TMEM182: variants seen among roughly 807,000 people sequenced by gnomAD.
TMEM182 encodes the protein transmembrane protein 182.
TMEM182 carries 20 observed loss-of-function variants against 26.8 expected under a neutral mutation model. That is an observed-to-expected ratio of 0.75 (90% confidence interval 0.53 to 1.09). The LOEUF is 1.09. TMEM182 is among the 50% of genes least tolerant of loss of function. The pLI is 0.00. For missense variants in TMEM182, 277 were observed against 275.5 expected, an observed-to-expected ratio of 1.01 and a Z score of -0.04; for synonymous variants, 109 against 102.2, an observed-to-expected ratio of 1.07 and a Z score of -0.40.
intron 3 of TMEM182, among the ~76,000 whole-genome samples, chr2:102,840,492 A>G (rs1352700890): frequency 2.6e-5 from 4 of 152,198 alleles, no homozygotes; most frequent in Admixed American, 2.6e-4. Flanking sequence ...GCAGGAACCA[A>G]TGTAAACACC....
upstream of TMEM182, among the ~76,000 whole-genome samples, chr2:102,757,238 C>CT (rs1411771954): frequency 6.6e-6 from 1 of 152,222 alleles, no homozygotes; most frequent in Non-Finnish European, 1.5e-5. Context: ...TACTCAGCCC[C>CT]TTTGCCTCCT....
In TMEM182 at chr2:102,824,532, A is replaced by G. The variant is rs573059878; in HGVS notation, c.326-18880A>G. The stretch of plus-strand genomic sequence containing the variant: ...CTTCCTTCTGCTCTGGCCATGTAAG[A>G]TGTACCTGCTGGCCAGGCGTGGTGG... On this transcript the variant is annotated intron_variant, in intron 3 of 3. Coordinates refer to the TMEM182 transcript ENST00000486293. Among the ~76,000 whole-genome samples, 34 of 152,204 alleles carry G rather than the reference A, an allele frequency of 2.2e-4. 1 individual carries two copies. Among genetic ancestry groups the G allele is most frequent in the South Asian group, 1.2e-3 (6 of 4,814 alleles).
At chr2:102,793,033 G>T (rs1681715123) in intron 3 of TMEM182, among the ~76,000 whole-genome samples, 1 of 152,080 alleles carries the variant, frequency 6.6e-6, no homozygotes, top group African/African-American at 2.4e-5. Context: ...TCTGCCGTCT[G>T]TGTGACCTGG....
intron 3 of TMEM182, among the ~76,000 whole-genome samples, chr2:102,774,574 A>G (rs907000606): frequency 1.3e-5 from 2 of 151,838 alleles, no homozygotes; most frequent in African/African-American, 4.8e-5. Flanking sequence ...TTTTTCTCCC[A>G]CATTTTCTTC....
intron 3 of TMEM182, among the ~76,000 whole-genome samples, chr2:102,793,971 G>A (rs1039930040): frequency 6.6e-6 from 1 of 152,156 alleles, no homozygotes; most frequent in Non-Finnish European, 1.5e-5. Flanking sequence ...TTGGGTGAAG[G>A]TGGCAGGAGG....
chr2:102,786,995 A>G (rs77448262), intron 3 of TMEM182, among the ~76,000 whole-genome samples: 108 of 152,360 alleles, frequency 7.1e-4, no homozygotes, highest in African/African-American at 2.5e-3. Context: ...ATTTTAGGGA[A>G]GGAAACTGAG....
chr2:102,748,383 A>G (rs2104635982), intron 1 of TMEM182, among the ~76,000 whole-genome samples: 1 of 152,294 alleles, frequency 6.6e-6, no homozygotes, highest in Non-Finnish European at 1.5e-5. Flanking sequence ...GCTCTGTCCT[A>G]TGTATAATTC....
intron 3 of TMEM182, among the ~76,000 whole-genome samples, chr2:102,793,416 G>A (rs946267008): frequency 2.6e-5 from 4 of 152,126 alleles, no homozygotes; most frequent in African/African-American, 9.7e-5. Flanking sequence ...GCCCAAACAT[G>A]ACTACTGCAC....
Position 102,815,678 on chromosome 2 carries a change from T to C in TMEM182, c.*710T>C, listed in dbSNP as rs1453282389. The C allele has an allele frequency of 2.0e-6, 2 of 983,968 alleles. No homozygotes were observed. The highest frequency in any genetic ancestry group is 1.7e-5 in the African/African-American group (1 of 57,220). 61.0% of individuals were successfully genotyped at this position (983,968 alleles called of 1,614,324 possible). ...CATACCAAATTATGTATAACGTAGA[T>C]TGAATTTTTATGAACTTAAAGTGAG... On this transcript the variant is annotated 3_prime_UTR_variant, in exon 5 of 5. Transcript: ENST00000412401.
downstream of TMEM182, among the ~76,000 whole-genome samples, chr2:102,822,224 A>G (rs1682934997): frequency 6.6e-6 from 1 of 152,172 alleles, no homozygotes; most frequent in African/African-American, 2.4e-5. Flanking sequence ...ATGTAAAGCC[A>G]TGGCAAAGAT....
chr2:102,777,053 T>C (rs1680947662), intron 3 of TMEM182, among the ~76,000 whole-genome samples: 1 of 145,186 alleles, frequency 6.9e-6, no homozygotes, highest in Admixed American at 7.0e-5. Context: ...CAGTCCTTTA[T>C]TGGATACATG....
At chr2:102,787,368 A>G (rs72829913) in intron 3 of TMEM182, among the ~76,000 whole-genome samples, 29,124 of 152,224 alleles carry the variant, frequency 0.19, 3,658 homozygotes, top group Middle Eastern at 0.28. Context: ...TCTTGCTGGC[A>G]GAAAGAGAAT....
At chr2:102,746,636 C>T (rs531794596) in intron 1 of TMEM182, among the ~76,000 whole-genome samples, 1 of 152,228 alleles carries the variant, frequency 6.6e-6, no homozygotes, top group Non-Finnish European at 1.5e-5. Context: ...CTCTCTCACC[C>T]AGGCTGGAGT....
chr2:102,767,064 G>A (rs562600132), intron 3 of TMEM182, among the ~76,000 whole-genome samples: 2 of 152,084 alleles, frequency 1.3e-5, no homozygotes, highest in Admixed American at 6.6e-5. Flanking sequence ...TTGTTTCATC[G>A]ATAATCTACT....
intron 3 of TMEM182, among the ~76,000 whole-genome samples, chr2:102,768,471 T>C (rs750567557): frequency 6.6e-6 from 1 of 151,642 alleles, no homozygotes; most frequent in Non-Finnish European, 1.5e-5. Flanking sequence ...GGCAGATCAC[T>C]TGAGGTCAGT....
rs1682702488 is a variant in TMEM182 at position 102,815,258 on chromosome 2, C to T, written c.*290C>T. Reference sequence around the variant, plus strand: ...TAGAGTTCATGCAGGTCGCAAAGGCCTGATAATAGCTTAATACCATGACAT... The same window carrying T: ...TAGAGTTCATGCAGGTCGCAAAGGCTTGATAATAGCTTAATACCATGACAT... On this transcript the variant is annotated 3_prime_UTR_variant, in exon 5 of 5. Coordinates refer to ENST00000412401, the MANE Select transcript of TMEM182 (RefSeq NM_144632.5). 1 of 1,124,324 alleles carries T rather than the reference C, an allele frequency of 8.9e-7. No homozygotes were observed. The allele number at this position is 1,124,324 out of a possible 1,614,324, so 69.6% of individuals were successfully genotyped here.
chr2:102,773,751 CAG>C (rs958900720), intron 3 of TMEM182, among the ~76,000 whole-genome samples: 3 of 152,092 alleles, frequency 2.0e-5, no homozygotes, highest in African/African-American at 7.2e-5. Context: ...AGGGAGGAAT[CAG>C]AGAGTCCATT....
intron 4 of TMEM182, among the ~76,000 whole-genome samples, chr2:102,812,371 T>G (rs1313625165): frequency 8.3e-6 from 1 of 119,954 alleles, no homozygotes. Context: ...CTCTCTCTCT[T>G]TGTCTACACA....
chr2:102,757,947 C>T (rs1480254753), upstream of TMEM182, among the ~76,000 whole-genome samples: 1 of 152,192 alleles, frequency 6.6e-6, no homozygotes, highest in East Asian at 1.9e-4. Flanking sequence ...TGAGAACTCA[C>T]TCACTATCAT....
Sources: gnomAD v4.1 joint callset for allele counts (sites outside exome capture counted in the v4.1 genomes callset) on GRCh38, gnomAD v4.1.1 for gene constraint, MANE v1.5 for transcripts, NCBI Gene and HGNC (gene_info 2026-07-23, HGNC 2026-07-21) for gene names.